Variants in USP43 observed in about 807,000 individuals in gnomAD.
USP43 encodes the protein ubiquitin specific peptidase 43.
In USP43, 33 loss-of-function variants were observed where a neutral mutation model predicts 90.7. That is an observed-to-expected ratio of 0.36 (90% confidence interval 0.28 to 0.49). The LOEUF (loss-of-function observed/expected upper bound fraction) is 0.49. Ranked by LOEUF, USP43 falls within the 20% of genes least tolerant of loss-of-function variation. The pLI is 0.98. For synonymous variants in USP43, 598 were observed against 615.8 expected, an observed-to-expected ratio of 0.97 and a Z score of 0.43; for missense variants, 1,274 against 1,476.4, an observed-to-expected ratio of 0.86 and a Z score of 2.25.
chr17:9,709,540 AC>A lies in USP43; in HGVS notation c.2012-412del, dbSNP rs1425297333. ...AGACCAGCCTGGTCAACATGGTGAA[AC>A]CCCATCTCTAATAAAAATATAAATA... is the stretch of plus-strand genomic sequence containing the variant. On this transcript the variant is annotated intron_variant, in intron 12 of 14. Transcript: ENST00000285199. The surrounding 1 kb of genome is among the most constrained non-coding windows in gnomAD (Gnocchi z 5.0). Among the ~76,000 whole-genome samples, 35 of 152,154 alleles carry A rather than the reference AC, an allele frequency of 2.3e-4. No individual in the cohort carries two copies. The highest frequency in any genetic ancestry group is 7.7e-4 in the African/African-American group (32 of 41,508).
chr17:9,688,940 C>T (rs957994230), intron 8 of USP43, among the ~76,000 whole-genome samples: 2 of 152,258 alleles, frequency 1.3e-5, no homozygotes, highest in East Asian at 3.9e-4. Context: ...CCATCTGCCT[C>T]AGCCTCCCAA....
chr17:9,681,902 T>C (rs1326340981), intron 6 of USP43, among the ~76,000 whole-genome samples: 2 of 152,292 alleles, frequency 1.3e-5, no homozygotes, highest in East Asian at 3.9e-4. Context: ...CTATGGGAAC[T>C]GGATGTTTGA....
In USP43 at chr17:9,728,231, C is replaced by T; in HGVS notation, c.2613C>T (p.Ala871=). 6.2e-7 allele frequency: 1 copy of T among 1,613,882 alleles called. No homozygotes were observed. The highest frequency in any genetic ancestry group is 1.1e-5 in the South Asian group (1 of 91,066). ...EKSASPRSNV[A]LPANSEDGGR... The stretch of plus-strand genomic sequence containing the variant: ...CAGCATCGCCGAGGTCCAACGTCGC[C>T]CTTCCTGCTAACAGCGAAGATGGTG... The change falls in exon 15 of 15, where the codon GCC becomes GCT. Residue 871 remains alanine, a synonymous_variant. Transcript: ENST00000285199. The surrounding 1 kb of genome is among the most constrained non-coding windows in gnomAD (Gnocchi z 6.2).
At chr17:9,727,591 G>T (rs1413442731) in intron 14 of USP43, among the ~76,000 whole-genome samples, 1 of 151,984 alleles carries the variant, frequency 6.6e-6, no homozygotes, top group African/African-American at 2.4e-5. Flanking sequence ...TAGAAAAGCA[G>T]GAACTTTTGC....
chr17:9,728,959 G>T lies in USP43; in HGVS notation c.3341G>T (p.Arg1114Leu), dbSNP rs370520395. 16 of 1,589,132 alleles carry T rather than the reference G, an allele frequency of 1.0e-5. No homozygotes were observed. Among genetic ancestry groups the T allele is most frequent in the Non-Finnish European group, 1.4e-5 (16 of 1,164,432 alleles). ...RVKYHTLSLG[R>L]KKTLPESSF ...AAATATCACACTCTTTCTTTAGGTC[G>T]AAAGAAAACCTTACCGGAGTCCAGC... The change falls in exon 15 of 15, where the codon CGA becomes CTA. Residue 1114 changes from arginine to leucine, a missense_variant. Physicochemically the swap from Arg to Leu is moderately radical, Grantham distance 102. Coordinates refer to ENST00000285199, the MANE Select transcript of USP43 (RefSeq NM_153210.5). The surrounding 1 kb of genome is among the most constrained non-coding windows in gnomAD (Gnocchi z 6.2).
At chr17:9,649,142 A>G (rs1911677345) in intron 1 of USP43, among the ~76,000 whole-genome samples, 1 of 151,950 alleles carries the variant, frequency 6.6e-6, no homozygotes, top group South Asian at 2.1e-4. Flanking sequence ...CCCTGTCTCT[A>G]CTAAAAATAC....
chr17:9,655,444 A>C (rs781717499), intron 1 of USP43, among the ~76,000 whole-genome samples: 27 of 152,324 alleles, frequency 1.8e-4, no homozygotes, highest in Admixed American at 3.9e-4. Flanking sequence ...TAGAAGGAAG[A>C]CTTCATTATC....
chr17:9,722,862 C>T (rs149550363), intron 14 of USP43, among the ~76,000 whole-genome samples: 1 of 152,266 alleles, frequency 6.6e-6, no homozygotes, highest in Non-Finnish European at 1.5e-5. Context: ...CAAAATTCCC[C>T]TCGCAGCACT....
intron 14 of USP43, among the ~76,000 whole-genome samples, chr17:9,712,787 T>C (rs1916281862): frequency 1.7e-5 from 1 of 59,772 alleles, no homozygotes; most frequent in Admixed American, 1.4e-4. Flanking sequence ...AGAGGTGTTT[T>C]TGTTTGTTTG....
upstream of USP43, chr17:9,645,288 A>T: frequency 5.6e-6 from 1 of 179,742 alleles, no homozygotes; most frequent in African/African-American, 2.3e-5. This position sits in a 1 kb window ranked among gnomAD's most constrained non-coding sequence, Gnocchi z 6.8. Flanking sequence ...CCACTGCTTG[A>T]AGGCTGCTCG....
In USP43 at chr17:9,728,663, G is replaced by A. The variant is rs753507537; in HGVS notation, c.3045G>A (p.Glu1015=). The A allele has an allele frequency of 1.9e-6, 3 of 1,613,490 alleles. No homozygotes were observed. In the South Asian group the frequency reaches 3.3e-5, roughly 18 times the overall value. ...AGAACAGGAGGAATGAGAGGGCAGA[G>A]GTCTCTCCACAGGTGCCCCCCGTCT... ...KKENRRNERA[E]VSPQVPPVSL... is the part of the protein sequence containing the mutation. The change falls in exon 15 of 15, where the codon GAG becomes GAA. Residue 1015 remains glutamate, a synonymous_variant. Coordinates refer to ENST00000285199, the MANE Select transcript of USP43 (RefSeq NM_153210.5). This position sits in a 1 kb window ranked among gnomAD's most constrained non-coding sequence, Gnocchi z 6.2.
At position 9,693,242 on chromosome 17, in the gene USP43, G is replaced by C. The variant is rs759879656; in HGVS notation, c.1457+12G>C. On this transcript the variant is annotated intron_variant, in intron 9 of 14. Transcript: ENST00000285199. ...TGGGCAGTTGACAGGTAAGGGGGAA[G>C]GTCCAGGTTCAGTCAGCTAATGAAC... The C allele has an allele frequency of 6.2e-7, 1 of 1,605,530 alleles. No individual in the cohort carries two copies.
At chr17:9,657,652 A>G (rs1383037638) in intron 2 of USP43, among the ~76,000 whole-genome samples, 3 of 152,182 alleles carry the variant, frequency 2.0e-5, no homozygotes, top group African/African-American at 7.2e-5. Context: ...CTCCTTCACA[A>G]GGTGGCAGGA....
intron 3 of USP43, among the ~76,000 whole-genome samples, chr17:9,671,577 G>T (rs1913442500): frequency 1.3e-5 from 2 of 152,200 alleles, no homozygotes; most frequent in African/African-American, 4.8e-5. Context: ...GTTTGTAGCA[G>T]GTGGAAAAGC....
chr17:9,656,622 A>G, intron 2 of USP43, 88 bp downstream of exon 2: 1 of 1,455,538 alleles, frequency 6.9e-7, no homozygotes, highest in Non-Finnish European at 9.1e-7. Flanking sequence ...GAATCTTGAA[A>G]TTGAGATTCT....
intron 9 of USP43, among the ~76,000 whole-genome samples, chr17:9,695,684 T>A (rs58215288): frequency 0.34 from 51,361 of 151,646 alleles, 10,474 homozygotes; most frequent in East Asian, 0.7. Flanking sequence ...GATTGTTACA[T>A]TTACCTTGTT....
intron 14 of USP43, among the ~76,000 whole-genome samples, chr17:9,717,882 C>T (rs929060013): frequency 3.3e-5 from 5 of 151,658 alleles, no homozygotes; most frequent in African/African-American, 9.7e-5. Context: ...CTGCAACCTC[C>T]GCCTCCCGGG....
intron 2 of USP43, 39 bp downstream of exon 2, chr17:9,656,573 C>A: frequency 1.9e-6 from 3 of 1,553,398 alleles, no homozygotes; most frequent in East Asian, 2.3e-5. Flanking sequence ...ACTGGGTTTT[C>A]TTTTTTTCTT....
chr17:9,725,334 T>A (rs1165951655), intron 14 of USP43, among the ~76,000 whole-genome samples: 1 of 151,220 alleles, frequency 6.6e-6, no homozygotes, highest in Non-Finnish European at 1.5e-5. Flanking sequence ...GGGGCGGGAG[T>A]TGAACCAGAG....
Sources: gnomAD v4.1 joint callset for allele counts (sites outside exome capture counted in the v4.1 genomes callset) on GRCh38, gnomAD v4.1.1 for gene constraint, Gnocchi (gnomAD v3.1) non-coding constraint, MANE v1.5 for transcripts, NCBI Gene and HGNC (gene_info 2026-07-23, HGNC 2026-07-21) for gene names.